The following AGBL4 variants were observed in gnomAD, a reference collection of about 807,000 sequenced individuals.
AGBL4 encodes the protein cytosolic carboxypeptidase 6.
Under a neutral mutation model 66.4 loss-of-function variants are expected in AGBL4, and 58 were observed. The observed-to-expected ratio is 0.87, with a 90% CI of 0.71 to 1.09. The LOEUF is 1.09. AGBL4 is among the 50% of genes least tolerant of loss of function. The pLI is 0.00. For synonymous variants in AGBL4, 234 were observed against 222.9 expected (o/e 1.05, Z -0.44); for missense variants, 579 against 631.0 (o/e 0.92, Z 0.88).
At chr1:48,678,992 C>T (rs931339723) in intron 6 of AGBL4, among the ~76,000 whole-genome samples, 4 of 152,224 alleles carry the variant, frequency 2.6e-5, no homozygotes, top group African/African-American at 9.6e-5. Context: ...CTGCTCTCAA[C>T]CCCTGCTCTT....
intron 6 of AGBL4, among the ~76,000 whole-genome samples, chr1:48,746,314 A>G (rs1431864601): frequency 6.6e-6 from 1 of 152,144 alleles, no homozygotes; most frequent in Admixed American, 6.5e-5. Context: ...TCTCTACTAA[A>G]GCATAGGTTC....
In AGBL4 at chr1:49,494,736, C is replaced by T. The variant is rs536760987; in HGVS notation, c.282+202577G>A. On this transcript the variant is annotated intron_variant, in intron 3 of 13. Transcript: ENST00000371839. ...TGTGAATAATGCCGCCATAAACATA[C>T]GTGTGCATGTGTCTTTATAGCAGCA... is the stretch of plus-strand genomic sequence containing the variant. Among the ~76,000 whole-genome samples the T allele has an allele frequency of 9.2e-5, 14 of 151,944 alleles. No homozygotes were observed. In the East Asian group the frequency reaches 9.7e-4, roughly 10 times the overall value.
intron 8 of AGBL4, among the ~76,000 whole-genome samples, chr1:48,647,164 C>T (rs1267058901): frequency 6.6e-6 from 1 of 152,196 alleles, no homozygotes; most frequent in African/African-American, 2.4e-5. Flanking sequence ...GCAGATTGTA[C>T]AGCATCCATT....
intron 11 of AGBL4, among the ~76,000 whole-genome samples, chr1:48,573,691 A>G (rs1429401391): frequency 6.6e-6 from 1 of 152,196 alleles, no homozygotes; most frequent in Non-Finnish European, 1.5e-5. Flanking sequence ...AGGAATCTTA[A>G]GAACCCTTCA....
chr1:48,773,044 A>C (rs145905565), intron 6 of AGBL4, among the ~76,000 whole-genome samples: 2 of 152,302 alleles, frequency 1.3e-5, no homozygotes, highest in East Asian at 3.9e-4. Context: ...TCGTGCTGTC[A>C]TTTCAATCAC....
Position 48,971,058 on chromosome 1 carries a change from A to G in AGBL4, c.594+74526T>C, listed in dbSNP as rs147834313. 3.2e-4 allele frequency among the ~76,000 whole-genome samples: 49 copies of G among 152,242 alleles called. 1 individual carries two copies. Among genetic ancestry groups the G allele is most frequent in the African/African-American group, 1.1e-3 (47 of 41,548 alleles). ...TGACTTACCCAAGGTCACTCAGTAG[A>G]CAGTAGATTTGGGGTGTAACCTCTA... On this transcript the variant is annotated intron_variant, in intron 5 of 13. Transcript: ENST00000371839.
intron 4 of AGBL4, among the ~76,000 whole-genome samples, chr1:49,201,910 G>A (rs1647735346): frequency 6.6e-6 from 1 of 152,004 alleles, no homozygotes; most frequent in Non-Finnish European, 1.5e-5. Context: ...TACGAAATGA[G>A]TGTGGGAGAG....
chr1:48,805,237 G>A (rs989912403), intron 6 of AGBL4, among the ~76,000 whole-genome samples: 7 of 152,160 alleles, frequency 4.6e-5, no homozygotes. Context: ...GCACAGGGAA[G>A]TTTTCTTAGA....
chr1:48,939,411 T>A (rs1239465340), intron 5 of AGBL4, among the ~76,000 whole-genome samples: 1 of 152,228 alleles, frequency 6.6e-6, no homozygotes, highest in Non-Finnish European at 1.5e-5. Context: ...GTTAATGGCA[T>A]TAGCATCTAG....
intron 11 of AGBL4, among the ~76,000 whole-genome samples, chr1:48,556,543 G>T (rs1462887414): frequency 6.6e-6 from 1 of 152,130 alleles, no homozygotes. Context: ...TCCCTCTGTG[G>T]CAGGGCCTCT....
At chr1:49,473,250 C>T (rs1279798924) in intron 3 of AGBL4, among the ~76,000 whole-genome samples, 1 of 152,114 alleles carries the variant, frequency 6.6e-6, no homozygotes, top group Non-Finnish European at 1.5e-5. Flanking sequence ...AACTAATTTA[C>T]ATTCATGCCA....
intron 6 of AGBL4, among the ~76,000 whole-genome samples, chr1:48,809,581 G>A (rs1205595636): frequency 6.6e-6 from 1 of 152,166 alleles, no homozygotes; most frequent in Non-Finnish European, 1.5e-5. Context: ...AACTGAATGA[G>A]ACTTGGAGGA....
Position 49,805,652 on chromosome 1 carries a change from T to C in AGBL4, c.157+45744A>G, listed in dbSNP as rs187857052. 3.5e-3 allele frequency among the ~76,000 whole-genome samples: 535 copies of C among 152,340 alleles called. 1 individual carries two copies. The highest frequency in any genetic ancestry group is 0.017 in the Middle Eastern group (5 of 294). ...AATGCTTGTTTCTCCCAAAAATTCA[T>C]ACATTAAAACCTAATCAGCAATGTG... is the stretch of plus-strand genomic sequence containing the variant. On this transcript the variant is annotated intron_variant, in intron 2 of 13. Coordinates refer to ENST00000371839, the MANE Select transcript of AGBL4 (RefSeq NM_032785.4).
At chr1:49,856,519 G>GAT (rs1434982556) in intron 1 of AGBL4, among the ~76,000 whole-genome samples, 1 of 151,842 alleles carries the variant, frequency 6.6e-6, no homozygotes, top group African/African-American at 2.4e-5. Flanking sequence ...CATCAAAAAG[G>GAT]ATATACACCA....
chr1:49,327,385 C>A (rs996983440), intron 3 of AGBL4, among the ~76,000 whole-genome samples: 2 of 152,136 alleles, frequency 1.3e-5, no homozygotes, highest in East Asian at 3.8e-4. Context: ...TAAGTTGAAT[C>A]CTGGGGTTCA....
At chr1:48,879,515 G>A (rs1402055732) in intron 5 of AGBL4, among the ~76,000 whole-genome samples, 7 of 151,952 alleles carry the variant, frequency 4.6e-5, no homozygotes, top group South Asian at 2.1e-4. Flanking sequence ...TTATTGAACT[G>A]CTTTTATTTT....
At chr1:49,740,647 G>A (rs1272664263) in intron 2 of AGBL4, among the ~76,000 whole-genome samples, 5 of 152,112 alleles carry the variant, frequency 3.3e-5, no homozygotes, top group South Asian at 4.1e-4. Flanking sequence ...CATATAGTAG[G>A]AAATAAAGCA....
chr1:49,452,699 G>C (rs1025592205), intron 3 of AGBL4, among the ~76,000 whole-genome samples: 16 of 151,634 alleles, frequency 1.1e-4, no homozygotes, highest in Non-Finnish European at 2.9e-5. Context: ...TCTTATTTTA[G>C]CACTTCTCAC....
intron 3 of AGBL4, among the ~76,000 whole-genome samples, chr1:49,487,479 CAGACA>C (rs957749144): frequency 8.6e-5 from 13 of 151,888 alleles, no homozygotes; most frequent in African/African-American, 1.7e-4. Context: ...TCTCCTCAGA[CAGACA>C]AGACAAGCTA....
Sources: allele counts gnomAD v4.1 joint callset (sites outside exome capture counted in the v4.1 genomes callset), GRCh38; gene constraint gnomAD v4.1.1; transcripts MANE v1.5; gene names NCBI Gene and HGNC (gene_info 2026-07-23, HGNC 2026-07-21).